KPNA5: variants seen among roughly 807,000 people sequenced by gnomAD.
The protein encoded by KPNA5 is importin subunit alpha-6.
In KPNA5, 46 loss-of-function variants were observed where a neutral mutation model predicts 71.3. The ratio of observed to expected loss-of-function variants is 0.65; its 90% CI spans 0.51 to 0.83. The LOEUF (loss-of-function observed/expected upper bound fraction) is 0.83, where lower values mean the gene tolerates loss of function less well. Ranked by LOEUF, KPNA5 falls within the 40% of genes least tolerant of loss-of-function variation. KPNA5 has a pLI of 0.00. For missense variants in KPNA5, 547 were observed against 628.3 expected (o/e 0.87, Z 1.38); for synonymous variants, 207 against 201.4 (o/e 1.03, Z -0.24).
At chr6:116,705,960 A>G (rs1338269995) in intron 7 of KPNA5, among the ~76,000 whole-genome samples, 4 of 152,236 alleles carry the variant, frequency 2.6e-5, no homozygotes, top group Admixed American at 2.0e-4. Flanking sequence ...CTTAACCAAT[A>G]TTAATCGAAG....
Position 116,707,120 on chromosome 6 carries a change from C to T in KPNA5, c.656+1960C>T, listed in dbSNP as rs186308934. On this transcript the variant is annotated intron_variant, in intron 7 of 13. Coordinates refer to ENST00000368564, the MANE Select transcript of KPNA5 (RefSeq NM_001366306.2). ...TGGAGCTTGCAGTGAGCCAAGATCACGCCACTGCACTCCAACTTGGGTGAC... is the reference window on the plus strand; with the variant it reads ...TGGAGCTTGCAGTGAGCCAAGATCATGCCACTGCACTCCAACTTGGGTGAC... Among the ~76,000 whole-genome samples the T allele has an allele frequency of 4.3e-4, 66 of 151,794 alleles. No individual in the cohort carries two copies. The East Asian group carries it at 4.4e-3, about 10-fold the overall frequency.
chr6:116,710,896 T>C (rs1457850750), intron 7 of KPNA5, among the ~76,000 whole-genome samples: 1 of 90,678 alleles, frequency 1.1e-5, no homozygotes, highest in African/African-American at 5.4e-5. Context: ...TATATATATT[T>C]TTTTTTTTTT....
Position 116,724,344 on chromosome 6 carries a change from ATAT to A in KPNA5, c.970_972del (p.Ile324del), listed in dbSNP as rs1469917211. 6.2e-7 allele frequency: 1 copy of A among 1,611,684 alleles called. No homozygotes were observed. The highest frequency in any genetic ancestry group is 1.7e-5 in the Admixed American group (1 of 59,974). ...TCACCTGCATTAAGGGCAGTTGGTA[ATAT>A]TGTGACTGGTGATGATATTCAAACA... is the stretch of plus-strand genomic sequence containing the variant. On this transcript the variant is annotated inframe_deletion, in exon 10 of 14. Coordinates refer to ENST00000368564, the MANE Select transcript of KPNA5 (RefSeq NM_001366306.2).
chr6:116,719,605 G>T (rs1300284167), intron 8 of KPNA5, among the ~76,000 whole-genome samples: 4 of 152,132 alleles, frequency 2.6e-5, no homozygotes, highest in Admixed American at 6.5e-5. Flanking sequence ...CTAGCACTTT[G>T]GGAGGCTGAG....
At chr6:116,700,618 T>C (rs887075455) in intron 5 of KPNA5, among the ~76,000 whole-genome samples, 10 of 152,228 alleles carry the variant, frequency 6.6e-5, no homozygotes, top group Admixed American at 6.5e-4. Context: ...TTAGTTAATA[T>C]GATTGGTCCA....
intron 12 of KPNA5, among the ~76,000 whole-genome samples, chr6:116,728,693 G>A (rs1023624409): frequency 7.2e-5 from 11 of 151,744 alleles, no homozygotes; most frequent in Non-Finnish European, 1.5e-4. Flanking sequence ...TGTCTATTGT[G>A]TTCTTACAAC....
chr6:116,711,372 A>G (rs760958904), intron 7 of KPNA5, among the ~76,000 whole-genome samples: 11 of 150,230 alleles, frequency 7.3e-5, no homozygotes, highest in African/African-American at 2.2e-4. Flanking sequence ...CCTGCTAGCT[A>G]TGAGTTTTGT....
At chr6:116,698,932 T>A (rs1194718521) in intron 5 of KPNA5, 134 bp downstream of exon 5, 7 of 480,010 alleles carry the variant, frequency 1.5e-5, no homozygotes, top group Non-Finnish European at 2.6e-5. Context: ...AAGGTAGTGC[T>A]GCCTATCTTG....
intron 13 of KPNA5, among the ~76,000 whole-genome samples, chr6:116,730,098 T>TC (rs1345131849): frequency 2.7e-5 from 4 of 147,590 alleles, no homozygotes; most frequent in Non-Finnish European, 6.0e-5. Context: ...TTTTTTTTTT[T>TC]TTTTTTGAGA....
At position 116,738,684 on chromosome 6, in the gene KPNA5, G is replaced by A. The variant is rs1284880057; in HGVS notation, c.*6361G>A. On this transcript the variant is annotated 3_prime_UTR_variant, in exon 14 of 14. Coordinates refer to ENST00000368564, the MANE Select transcript of KPNA5 (RefSeq NM_001366306.2). ...AGTGGGCTTCATCCCTGGGATGCAA[G>A]GCTGGTTCAATATACGCAAATCAAT... 1.3e-5 allele frequency: 2 copies of A among 151,872 alleles called. No individual in the cohort carries two copies. Among genetic ancestry groups the A allele is most frequent in the African/African-American group, 2.4e-5 (1 of 41,466 alleles). 9.4% of individuals were successfully genotyped at this position (151,872 alleles called of 1,614,324 possible).
chr6:116,693,880 T>C (rs1377447529), intron 4 of KPNA5, among the ~76,000 whole-genome samples: 6 of 151,762 alleles, frequency 4.0e-5, no homozygotes, highest in Admixed American at 3.9e-4. Flanking sequence ...GTCTAACATG[T>C]AAGTCTTTAA....
intron 7 of KPNA5, among the ~76,000 whole-genome samples, chr6:116,709,029 A>T (rs1583425171): frequency 6.6e-6 from 1 of 151,730 alleles, no homozygotes; most frequent in African/African-American, 2.4e-5. Context: ...CAAGTGATAC[A>T]TCCCCCCTTG....
At chr6:116,693,525 G>A (rs1583407561) in intron 4 of KPNA5, among the ~76,000 whole-genome samples, 1 of 152,158 alleles carries the variant, frequency 6.6e-6, no homozygotes, top group Non-Finnish European at 1.5e-5. Flanking sequence ...TTGGCTGCAT[G>A]AATGTCTTCT....
At chr6:116,687,903 T>C (rs1316206205) in intron 1 of KPNA5, among the ~76,000 whole-genome samples, 1 of 152,222 alleles carries the variant, frequency 6.6e-6, no homozygotes, top group Non-Finnish European at 1.5e-5. Context: ...TTAATTTGTT[T>C]AATTCTATTC....
intron 4 of KPNA5, among the ~76,000 whole-genome samples, chr6:116,693,133 CATT>C (rs1157665396): frequency 6.6e-6 from 1 of 152,166 alleles, no homozygotes; most frequent in African/African-American, 2.4e-5. Context: ...TCCAGTCTAT[CATT>C]GTTGGACATT....
intron 1 of KPNA5, among the ~76,000 whole-genome samples, chr6:116,686,105 G>T (rs189935088): frequency 3.9e-4 from 59 of 152,018 alleles, no homozygotes; most frequent in Middle Eastern, 3.4e-3. Flanking sequence ...GGGTCTCATT[G>T]TGTGGCCCAG....
At chr6:116,721,667 T>C (rs1479616581) in intron 8 of KPNA5, among the ~76,000 whole-genome samples, 1 of 152,196 alleles carries the variant, frequency 6.6e-6, no homozygotes, top group Non-Finnish European at 1.5e-5. Flanking sequence ...TGAGTACCCT[T>C]CACAAATATA....
In KPNA5 at chr6:116,698,756, A is replaced by T; in HGVS notation, c.393A>T (p.Arg131Ser). 2 of 1,601,448 alleles carry T rather than the reference A, an allele frequency of 1.2e-6. No homozygotes were observed. Among genetic ancestry groups the T allele is most frequent in the East Asian group, 2.3e-5 (1 of 44,332 alleles). Residue 131 changes from arginine to serine, a missense_variant, in exon 5 of 14, where the codon AGA becomes AGT. By Grantham distance (110) the Arg-to-Ser change is moderately radical (BLOSUM62 -1). Coordinates refer to ENST00000368564, the MANE Select transcript of KPNA5 (RefSeq NM_001366306.2). ...QVIQKPGVVQRFVKFLERNEN... is the reference protein window; with the variant it reads ...QVIQKPGVVQSFVKFLERNEN... The stretch of plus-strand genomic sequence containing the variant: ...TACAGAAACCAGGAGTTGTACAGAG[A>T]TTTGTGAAATTTCTTGAAAGAAATG...
At chr6:116,716,920 A>G (rs1325959607) in intron 8 of KPNA5, among the ~76,000 whole-genome samples, 1 of 152,132 alleles carries the variant, frequency 6.6e-6, no homozygotes, top group Non-Finnish European at 1.5e-5. Flanking sequence ...GATAAAAAAT[A>G]ATACATTTCT....
Sources: gnomAD v4.1 joint callset for allele counts (sites outside exome capture counted in the v4.1 genomes callset) on GRCh38, gnomAD v4.1.1 for gene constraint, MANE v1.5 for transcripts, NCBI Gene and HGNC (gene_info 2026-07-23, HGNC 2026-07-21) for gene names.